GRM7: variants seen among roughly 807,000 people sequenced by gnomAD.
The protein encoded by GRM7 is metabotropic glutamate receptor 7.
A neutral mutation model predicts 84.5 loss-of-function variants in GRM7; 35 were observed. The observed-to-expected ratio is 0.41, with a 90% CI of 0.32 to 0.55. The LOEUF is 0.55. Ranked by LOEUF, GRM7 falls within the 20% of genes least tolerant of loss-of-function variation. The pLI, the probability that GRM7 is intolerant of heterozygous loss-of-function variation, is 0.19. For missense variants in GRM7, 1,003 were observed against 1,194.6 expected (o/e 0.84, Z 2.36); for synonymous variants, 487 against 455.1 (o/e 1.07, Z -0.89).
intron 1 of GRM7, among the ~76,000 whole-genome samples, chr3:7,097,528 A>C (rs1040842149): frequency 6.6e-5 from 10 of 152,134 alleles, no homozygotes; most frequent in African/African-American, 2.4e-4. Flanking sequence ...TGAAGATGGC[A>C]TTGAACTTTT....
intron 1 of GRM7, among the ~76,000 whole-genome samples, chr3:6,868,536 A>T (rs1163928486): frequency 6.6e-6 from 1 of 152,144 alleles, no homozygotes; most frequent in African/African-American, 2.4e-5. Flanking sequence ...AATATACAGT[A>T]GACTTTTCAT....
rs552085161 is a variant in GRM7 at position 7,026,925 on chromosome 3, T to C, written c.520-119527T>C. Among the ~76,000 whole-genome samples, 24 of 152,334 alleles carry C rather than the reference T, an allele frequency of 1.6e-4. No homozygotes were observed. The South Asian group carries it at 1.9e-3, about 12-fold the overall frequency. On this transcript the variant is annotated intron_variant, in intron 1 of 9. Transcript: ENST00000357716. ...ATTTACTTCTGTTCCATTACCAAAT[T>C]TCTGGCGCTGGCCAATCAACTCATC...
rs1273041210 is a variant in GRM7, at chr3:7,284,302, G to GTGTGTA, written c.737-14377_737-14376insATGTGT. Among the ~76,000 whole-genome samples the GTGTGTA allele has an allele frequency of 9.0e-4, 114 of 127,310 alleles. 1 individual carries two copies. The highest frequency in any genetic ancestry group is 2.7e-3 in the African/African-American group (105 of 38,722). The allele number at this position is 127,310 out of a possible 152,430, so 83.5% of individuals were successfully genotyped here. The stretch of plus-strand genomic sequence containing the variant: ...TGCTCACTCGTGTGTGTGTGTGTGT[G>GTGTGTA]TGTGTGTGTGTATATACATGAGCTC... On this transcript the variant is annotated intron_variant, in intron 2 of 9. Transcript: ENST00000357716.
At chr3:7,687,717 G>C (rs1700637737) in intron 9 of GRM7, among the ~76,000 whole-genome samples, 1 of 151,994 alleles carries the variant, frequency 6.6e-6, no homozygotes, top group South Asian at 2.1e-4. Context: ...CACTGTTCTG[G>C]TTCTTCCCAT....
chr3:7,618,318 G>A (rs1427850376), intron 8 of GRM7, among the ~76,000 whole-genome samples: 1 of 151,994 alleles, frequency 6.6e-6, no homozygotes, highest in Non-Finnish European at 1.5e-5. Context: ...TATTTAGTAA[G>A]TTCTTTTACC....
intron 1 of GRM7, among the ~76,000 whole-genome samples, chr3:7,039,946 C>T (rs1286905465): frequency 2.6e-5 from 4 of 152,122 alleles, no homozygotes; most frequent in East Asian, 3.9e-4. Flanking sequence ...TGATTTTTGC[C>T]GAGTTCAGAA....
intron 2 of GRM7, among the ~76,000 whole-genome samples, chr3:7,284,358 A>G (rs1699357502): frequency 6.6e-6 from 1 of 151,974 alleles, no homozygotes; most frequent in South Asian, 2.1e-4. Flanking sequence ...ACAGACAATC[A>G]ATACTAACAA....
chr3:7,708,225 T>G (rs1402347029), intron 9 of GRM7, among the ~76,000 whole-genome samples: 1 of 152,120 alleles, frequency 6.6e-6, no homozygotes, highest in East Asian at 1.9e-4. Context: ...ATTTTATTTT[T>G]GAACACGTGC....
chr3:7,299,245 C>T (rs1017109632), intron 3 of GRM7, among the ~76,000 whole-genome samples: 9 of 152,110 alleles, frequency 5.9e-5, no homozygotes, highest in East Asian at 1.9e-4. Context: ...ATTCTCCAAT[C>T]CACTTTCTTT....
chr3:7,040,819 A>T (rs1696575383), intron 1 of GRM7, among the ~76,000 whole-genome samples: 2 of 151,972 alleles, frequency 1.3e-5, no homozygotes, highest in African/African-American at 2.4e-5. Context: ...GCAGTGGCTC[A>T]TGCCTGTAAT....
chr3:7,069,179 G>C (rs1697774736), intron 1 of GRM7, among the ~76,000 whole-genome samples: 1 of 151,954 alleles, frequency 6.6e-6, no homozygotes, highest in South Asian at 2.1e-4. Context: ...GGCAGGTTAA[G>C]AGACAGCTAT....
chr3:7,659,991 C>A (rs1009321060), intron 8 of GRM7, among the ~76,000 whole-genome samples: 1 of 152,226 alleles, frequency 6.6e-6, no homozygotes, highest in African/African-American at 2.4e-5. Flanking sequence ...GCTTTCTAAT[C>A]TACAGAGAAA....
At chr3:7,095,499 C>T (rs368440951) in intron 1 of GRM7, among the ~76,000 whole-genome samples, 2 of 152,118 alleles carry the variant, frequency 1.3e-5, no homozygotes, top group East Asian at 3.9e-4. Flanking sequence ...AACCCATTGA[C>T]ATTGAGATTA....
intron 1 of GRM7, among the ~76,000 whole-genome samples, chr3:6,923,633 G>A (rs993599805): frequency 6.6e-6 from 1 of 152,018 alleles, no homozygotes; most frequent in Admixed American, 6.6e-5. Context: ...CCCCTGCACT[G>A]GGACTGACAG....
rs143750246 is a variant in GRM7 at position 7,738,004 on chromosome 3, C to T, written c.2699-2353C>T. ...CTGGGATTACAGGCGCCCGCCACCA[C>T]GCCTGGCTAATTTTATGTATATTTA... On this transcript the variant is annotated intron_variant, in intron 9 of 9. Transcript: ENST00000357716. Among the ~76,000 whole-genome samples the T allele has an allele frequency of 4.0e-3, 601 of 152,122 alleles. 6 individuals are homozygous for T. The highest frequency in any genetic ancestry group is 0.013 in the African/African-American group (538 of 41,510).
chr3:6,884,747 C>T (rs1428711826), intron 1 of GRM7, among the ~76,000 whole-genome samples: 2 of 151,868 alleles, frequency 1.3e-5, no homozygotes, highest in African/African-American at 4.8e-5. Flanking sequence ...TTACAGACGC[C>T]CACCACCACA....
chr3:7,591,320 C>G (rs112925213), intron 8 of GRM7: 2 of 195,728 alleles, frequency 1.0e-5, no homozygotes, highest in African/African-American at 4.7e-5. Flanking sequence ...AATGTCCAAT[C>G]TCATATATAA....
chr3:7,020,692 T>C (rs1695745368), intron 1 of GRM7, among the ~76,000 whole-genome samples: 1 of 152,218 alleles, frequency 6.6e-6, no homozygotes. Context: ...ACACTATAAA[T>C]ATCATCCTGG....
intron 8 of GRM7, among the ~76,000 whole-genome samples, chr3:7,579,761 A>G (rs1302035031): frequency 6.6e-6 from 1 of 152,180 alleles, no homozygotes; most frequent in Non-Finnish European, 1.5e-5. Flanking sequence ...GGTCATTACT[A>G]TCACCAGTGT....
Sources: allele counts gnomAD v4.1 joint callset (sites outside exome capture counted in the v4.1 genomes callset), GRCh38; gene constraint gnomAD v4.1.1; transcripts MANE v1.5; gene names NCBI Gene and HGNC (gene_info 2026-07-23, HGNC 2026-07-21).